DKK2: variants seen among roughly 807,000 people sequenced by gnomAD.
DKK2 encodes the protein dickkopf Wnt signaling pathway inhibitor 2, also known as dickkopf-related protein 2.
Under a neutral mutation model 28.1 loss-of-function variants are expected in DKK2, and 11 were observed. The ratio of observed to expected loss-of-function variants is 0.39; its 90% CI spans 0.25 to 0.65. The LOEUF is 0.65. DKK2 is among the 30% of genes least tolerant of loss of function. The probability of loss-of-function intolerance (pLI) is 0.47; values close to 1 mark genes in which losing one functional copy is unlikely to be tolerated. For synonymous variants in DKK2, 135 were observed against 126.5 expected (o/e 1.07, Z -0.45); for missense variants, 326 against 335.5 (o/e 0.97, Z 0.22).
At chr4:106,998,214 T>C (rs1392986155) in intron 1 of DKK2, among the ~76,000 whole-genome samples, 1 of 152,204 alleles carries the variant, frequency 6.6e-6, no homozygotes, top group Admixed American at 6.5e-5. Flanking sequence ...ATGAATCACA[T>C]TTTTCTAATG....
At chr4:106,985,826 AAAAG>A (rs1723111961) in intron 1 of DKK2, among the ~76,000 whole-genome samples, 1 of 151,716 alleles carries the variant, frequency 6.6e-6, no homozygotes, top group South Asian at 2.1e-4. Flanking sequence ...AAAAAAAAAA[AAAAG>A]AAAAAAGAAA....
chr4:106,999,407 C>A (rs182340544), intron 1 of DKK2, among the ~76,000 whole-genome samples: 172 of 152,260 alleles, frequency 1.1e-3, no homozygotes, highest in African/African-American at 4.0e-3. Flanking sequence ...AGTGCAGTGG[C>A]ACAATCTTGG....
chr4:106,973,489 G>T (rs1163149717), intron 1 of DKK2, among the ~76,000 whole-genome samples: 2 of 152,202 alleles, frequency 1.3e-5, no homozygotes, highest in Non-Finnish European at 2.9e-5. Flanking sequence ...AATGACCAGT[G>T]ATGATGAGCT....
At chr4:107,018,722 T>A in intron 1 of DKK2, among the ~76,000 whole-genome samples, 1 of 152,112 alleles carries the variant, frequency 6.6e-6, no homozygotes, top group East Asian at 1.9e-4. Context: ...GTGCAATATT[T>A]GACCCATACC....
At chr4:106,937,286 T>G (rs1274743562) in intron 1 of DKK2, among the ~76,000 whole-genome samples, 2 of 133,878 alleles carry the variant, frequency 1.5e-5, no homozygotes, top group Non-Finnish European at 3.2e-5. Context: ...ACCAAGCAAA[T>G]GGAAAACAAA....
rs146614784 is a variant in DKK2 at position 107,034,683 on chromosome 4, G to A, written c.222+687C>T. The stretch of plus-strand genomic sequence containing the variant: ...GTGATTTATGTACAATTCTGCGTGA[G>A]TGAGAAATGCGCGTCTACTGGAGTT... On this transcript the variant is annotated intron_variant, in intron 1 of 3. Coordinates refer to ENST00000285311, the MANE Select transcript of DKK2 (RefSeq NM_014421.3). 1.6e-4 allele frequency among the ~76,000 whole-genome samples: 25 copies of A among 152,286 alleles called. No individual in the cohort carries two copies. The East Asian group carries it at 4.6e-3, about 28-fold the overall frequency.
chr4:106,969,899 A>T (rs1722840421), intron 1 of DKK2, among the ~76,000 whole-genome samples: 1 of 152,078 alleles, frequency 6.6e-6, no homozygotes, highest in Admixed American at 6.6e-5. Flanking sequence ...CTCCAGGGGC[A>T]TAAGACCTGG....
intron 1 of DKK2, among the ~76,000 whole-genome samples, chr4:106,963,351 T>TAA (rs34068030): frequency 0.055 from 7,600 of 138,012 alleles, 246 homozygotes; most frequent in Non-Finnish European, 0.077. Context: ...AGACTCTGTC[T>TAA]AAAAAAAAAA....
intron 1 of DKK2, among the ~76,000 whole-genome samples, chr4:107,020,358 C>T (rs1028031746): frequency 1.3e-5 from 2 of 151,992 alleles, no homozygotes; most frequent in Non-Finnish European, 2.9e-5. Flanking sequence ...TGTTAAAAAG[C>T]CATTTCCTCC....
At chr4:106,941,066 A>C (rs559895882) in intron 1 of DKK2, among the ~76,000 whole-genome samples, 1 of 152,226 alleles carries the variant, frequency 6.6e-6, no homozygotes, top group African/African-American at 2.4e-5. Context: ...TATGTAACTA[A>C]CCTGCACAAT....
intron 1 of DKK2, among the ~76,000 whole-genome samples, chr4:107,012,276 T>C (rs754432826): frequency 1.8e-4 from 27 of 151,400 alleles, no homozygotes; most frequent in Non-Finnish European, 3.3e-4. Context: ...AAGAAGCAAA[T>C]AGATTAAAGA....
intron 1 of DKK2, among the ~76,000 whole-genome samples, chr4:106,929,383 C>T (rs772015102): frequency 1.3e-5 from 2 of 152,152 alleles, no homozygotes; most frequent in African/African-American, 2.4e-5. Flanking sequence ...CTCTAGTACA[C>T]CTATCACATG....
chr4:106,926,689 A>G (rs1724430611), intron 1 of DKK2, among the ~76,000 whole-genome samples: 1 of 152,164 alleles, frequency 6.6e-6, no homozygotes, highest in Admixed American at 6.6e-5. Context: ...TACGCCTTCT[A>G]TTGTAAAGAA....
chr4:107,017,849 G>A (rs1177101204), intron 1 of DKK2, among the ~76,000 whole-genome samples: 1 of 151,840 alleles, frequency 6.6e-6, no homozygotes, highest in East Asian at 1.9e-4. Context: ...ATTTTTAAAT[G>A]CTTGCAGACT....
chr4:106,947,391 A>T (rs1724792699), intron 1 of DKK2, among the ~76,000 whole-genome samples: 1 of 152,106 alleles, frequency 6.6e-6, no homozygotes, highest in Non-Finnish European at 1.5e-5. Context: ...ACCCTGTGAC[A>T]ACAGCTTGAA....
At chr4:106,935,973 C>A (rs1724580914) in intron 1 of DKK2, among the ~76,000 whole-genome samples, 1 of 152,020 alleles carries the variant, frequency 6.6e-6, no homozygotes, top group South Asian at 2.1e-4. Flanking sequence ...TGTACATCAC[C>A]ATCATCAAAG....
intron 1 of DKK2, 28 bp downstream of exon 1, chr4:107,035,342 T>C (rs1723946554): frequency 6.2e-7 from 1 of 1,611,724 alleles, no homozygotes; most frequent in Non-Finnish European, 8.5e-7. Flanking sequence ...CTCTTCTGTC[T>C]GAAGAATGTG....
chr4:107,016,256 T>A (rs1723602488), intron 1 of DKK2, among the ~76,000 whole-genome samples: 1 of 151,884 alleles, frequency 6.6e-6, no homozygotes, highest in Admixed American at 6.6e-5. Context: ...AGAAAACTTT[T>A]AAAAAATTAG....
rs1722893199 is a variant in DKK2 at position 106,973,102 on chromosome 4, GTGTATA to G, written c.223-47159_223-47154del. The stretch of plus-strand genomic sequence containing the variant: ...TTTTATGGCTGCGTAGTATTCCATG[GTGTATA>G]TGTGCCACATTGTCTTTATCCACTC... On this transcript the variant is annotated intron_variant, in intron 1 of 3. Transcript: ENST00000285311. Among the ~76,000 whole-genome samples, 3 of 152,306 alleles carry G rather than the reference GTGTATA, an allele frequency of 2.0e-5. No homozygotes were observed. The South Asian group carries it at 6.2e-4, about 32-fold the overall frequency.
Sources: gnomAD v4.1 joint callset for allele counts (sites outside exome capture counted in the v4.1 genomes callset) on GRCh38, gnomAD v4.1.1 for gene constraint, MANE v1.5 for transcripts, NCBI Gene and HGNC (gene_info 2026-07-23, HGNC 2026-07-21) for gene names.